The following PCDHGA12 variants were observed in gnomAD, a reference collection of about 807,000 sequenced individuals.
PCDHGA12 encodes the protein protocadherin gamma-A12.
In PCDHGA12, 43 loss-of-function variants were observed where a neutral mutation model predicts 61.1. The observed-to-expected ratio is 0.70, with a 90% CI of 0.55 to 0.91. The LOEUF is 0.91. Among genes scored for constraint, PCDHGA12 ranks in the 40% least tolerant of loss-of-function variants. The pLI, the probability that PCDHGA12 is intolerant of heterozygous loss-of-function variation, is 0.00. For synonymous variants in PCDHGA12, 520 were observed against 542.9 expected (o/e 0.96, Z 0.59); for missense variants, 1,236 against 1,227.7 (o/e 1.01, Z -0.10).
intron 3 of PCDHGA12, among the ~76,000 whole-genome samples, chr5:141,507,817 G>C (rs1038461861): frequency 3.3e-5 from 5 of 152,206 alleles, no homozygotes; most frequent in Non-Finnish European, 5.9e-5. Context: ...AACGGACCCT[G>C]GGGGTGGAGG....
In PCDHGA12 at chr5:141,490,004, CA is replaced by C; in HGVS notation, c.2425-4802del. 1 of 1,614,174 alleles carries C rather than the reference CA, an allele frequency of 6.2e-7. No individual in the cohort carries two copies. Among genetic ancestry groups the C allele is most frequent in the Admixed American group, 1.7e-5 (1 of 60,034 alleles). ...CTACGTGTGGGAATCCCAGAGAATG[CA>C]CCCATTGGTACTCTGCTGCTCCGCC... On this transcript the variant is annotated intron_variant, in intron 1 of 3. Transcript: ENST00000252085. This position sits in a 1 kb window ranked among gnomAD's most constrained non-coding sequence, Gnocchi z 5.4.
intron 1 of PCDHGA12, chr5:141,478,871 T>C: frequency 2.4e-6 from 3 of 1,274,796 alleles, no homozygotes; most frequent in Non-Finnish European, 3.1e-6. Flanking sequence ...GCGATCAGAG[T>C]TTAGCTTGGT....
At position 141,485,122 on chromosome 5, in the gene PCDHGA12, G is replaced by A. The variant is rs1000179570; in HGVS notation, c.2425-9685G>A. The A allele has an allele frequency of 1.4e-6, 2 of 1,387,624 alleles. No individual in the cohort carries two copies. The highest frequency in any genetic ancestry group is 1.4e-5 in the African/African-American group (1 of 70,566). 86.0% of individuals were successfully genotyped at this position (1,387,624 alleles called of 1,614,324 possible). A position where few individuals can be genotyped will look rare whatever the true frequency, so the allele number is the denominator to read the frequency against. Reference sequence around the variant, plus strand: ...CAGCTGCTGTGGCTGTTTGGGGCGGGTCGGCTTCATCCGCGTCTCAGGAGC... The same window carrying A: ...CAGCTGCTGTGGCTGTTTGGGGCGGATCGGCTTCATCCGCGTCTCAGGAGC... On this transcript the variant is annotated intron_variant, in intron 1 of 3. Coordinates refer to ENST00000252085, the MANE Select transcript of PCDHGA12 (RefSeq NM_003735.3). The surrounding 1 kb of genome is among the most constrained non-coding windows in gnomAD (Gnocchi z 5.7).
intron 1 of PCDHGA12, among the ~76,000 whole-genome samples, chr5:141,492,893 C>T (rs936521362): frequency 2.0e-5 from 3 of 152,178 alleles, no homozygotes; most frequent in Admixed American, 6.5e-5. Flanking sequence ...AGGCTTTTGG[C>T]GCCGTCGTGA....
At position 141,489,072 on chromosome 5, in the gene PCDHGA12, A is replaced by AC; in HGVS notation, c.2425-5730dup. The AC allele has an allele frequency of 1.3e-5, 2 of 157,710 alleles. No homozygotes were observed. Among genetic ancestry groups the AC allele is most frequent in the Non-Finnish European group, 1.2e-5 (1 of 83,996 alleles). 9.8% of individuals were successfully genotyped at this position (157,710 alleles called of 1,614,324 possible). A position where few individuals can be genotyped will look rare whatever the true frequency, so the allele number is the denominator to read the frequency against. On this transcript the variant is annotated intron_variant, in intron 1 of 3. Transcript: ENST00000252085. This position sits in a 1 kb window ranked among gnomAD's most constrained non-coding sequence, Gnocchi z 4.5. The stretch of plus-strand genomic sequence containing the variant: ...AATTCAGCTCCCCTCCCCCCTGCCC[A>AC]CCCCCGCCACTCGGTGACTAAGAAC...
At chr5:141,433,208 C>T (rs780155661) in intron 1 of PCDHGA12, 25 bp downstream of exon 1, 90 of 1,293,816 alleles carry the variant, frequency 7.0e-5, no homozygotes, top group Middle Eastern at 5.9e-4. Flanking sequence ...AATCTTCTTT[C>T]TTTTTTTTTT....
Position 141,430,867 on chromosome 5 carries a change from G to T in PCDHGA12, c.108G>T (p.Pro36=), listed in dbSNP as rs1157718106. ...TGCTQIRYSV[P]EELEKGSRVG... is the part of the protein sequence containing the mutation. ...GCACCCAGATACGCTATTCAGTTCC[G>T]GAAGAGCTGGAGAAAGGCTCTAGGG... Residue 36 remains proline (P), a synonymous_variant, in exon 1 of 4, where the codon CCG becomes CCT. Coordinates refer to ENST00000252085, the MANE Select transcript of PCDHGA12 (RefSeq NM_003735.3). 2.5e-6 allele frequency: 4 copies of T among 1,596,238 alleles called. No individual in the cohort carries two copies. In the East Asian group the frequency reaches 8.9e-5, roughly 36 times the overall value.
rs1399077321 is a variant in PCDHGA12, at chr5:141,474,090, AAAC to A, written c.2425-20708_2425-20706del. Among the ~76,000 whole-genome samples the A allele has an allele frequency of 2.6e-5, 4 of 152,206 alleles. No individual in the cohort carries two copies. In the East Asian group the frequency reaches 5.8e-4, roughly 22 times the overall value. On this transcript the variant is annotated intron_variant, in intron 1 of 3. Coordinates refer to ENST00000252085, the MANE Select transcript of PCDHGA12 (RefSeq NM_003735.3). ...GCCTCAGAAACAAAAACCAAAAAAC[AAAC>A]AACAACAAAAACAACAACAACGAAA...
intron 1 of PCDHGA12, among the ~76,000 whole-genome samples, chr5:141,482,988 G>A (rs982148755): frequency 2.6e-5 from 4 of 152,112 alleles, no homozygotes; most frequent in South Asian, 2.1e-4. Context: ...GAGAGGTCGA[G>A]GCAGGAGAAT....
chr5:141,444,920 G>A (rs2098451595), intron 1 of PCDHGA12, among the ~76,000 whole-genome samples: 1 of 152,110 alleles, frequency 6.6e-6, no homozygotes, highest in Non-Finnish European at 1.5e-5. Context: ...ACCTTTATCA[G>A]GGAAAGAGGG....
At chr5:141,501,983 C>T (rs957901405) in intron 2 of PCDHGA12, among the ~76,000 whole-genome samples, 1 of 152,068 alleles carries the variant, frequency 6.6e-6, no homozygotes, top group Non-Finnish European at 1.5e-5. Context: ...CATCTGGTCC[C>T]GTTGTCTCCC....
At chr5:141,495,960 C>G (rs1380397345) in intron 2 of PCDHGA12, among the ~76,000 whole-genome samples, 2 of 151,998 alleles carry the variant, frequency 1.3e-5, no homozygotes, top group East Asian at 3.9e-4. Context: ...CTTTTTCTGC[C>G]TCTTTCTCTG....
Position 141,433,031 on chromosome 5 carries a change from T to G in PCDHGA12, c.2272T>G (p.Ser758Ala), listed in dbSNP as rs2097561851. 2 of 1,614,088 alleles carry G rather than the reference T, an allele frequency of 1.2e-6. No individual in the cohort carries two copies. The highest frequency in any genetic ancestry group is 8.5e-7 in the Non-Finnish European group (1 of 1,180,014). The change falls in exon 1 of 4, where the codon TCC becomes GCC. Residue 758 changes from serine (S) to alanine (A), a missense_variant. Coordinates refer to ENST00000252085, the MANE Select transcript of PCDHGA12 (RefSeq NM_003735.3). ...AFLQTYSHEV[S>A]LTTDSRKSHL... ...CCTGCAGACCTATTCCCACGAGGTT[T>G]CCCTCACCACGGACTCGCGGAAGAG...
chr5:141,511,730 T>C lies in PCDHGA12; in HGVS notation c.*557T>C, dbSNP rs772107999. 5.1e-5 allele frequency: 9 copies of C among 177,790 alleles called. No homozygotes were observed. The highest frequency in any genetic ancestry group is 5.3e-5 in the Admixed American group (1 of 18,706). The allele number at this position is 177,790 out of a possible 1,614,324, so 11.0% of individuals were successfully genotyped here. On this transcript the variant is annotated 3_prime_UTR_variant, in exon 4 of 4. Transcript: ENST00000252085. ...ACCTCCTTCCAGAGCCCAAGATCAA[T>C]GCTCAAGTTTTGGAGGACATGATCA...
At chr5:141,475,840 A>T in intron 1 of PCDHGA12, 1 of 434,888 alleles carries the variant, frequency 2.3e-6, no homozygotes, top group Non-Finnish European at 4.1e-6. Flanking sequence ...TGTCCTGCTC[A>T]GAGAGCCCGG....
intron 1 of PCDHGA12, among the ~76,000 whole-genome samples, chr5:141,484,764 A>G (rs1469048336): frequency 6.6e-6 from 1 of 151,806 alleles, no homozygotes; most frequent in African/African-American, 2.4e-5. Flanking sequence ...ATATATATAT[A>G]TGTTGTCTGC....
intron 1 of PCDHGA12, among the ~76,000 whole-genome samples, chr5:141,494,496 T>A (rs147870810): frequency 2.9e-3 from 442 of 152,264 alleles, no homozygotes; most frequent in Non-Finnish European, 4.9e-3. Flanking sequence ...ATGCCTTCAG[T>A]CCTTGAATTT....
In PCDHGA12 at chr5:141,476,218, C is replaced by G. The variant is rs1562052166; in HGVS notation, c.2425-18589C>G. On this transcript the variant is annotated intron_variant, in intron 1 of 3. Transcript: ENST00000252085. The surrounding 1 kb of genome is among the most constrained non-coding windows in gnomAD (Gnocchi z 7.6). ...TGAACAAGGCTTCCACGGTCATTCA[C>G]TATGAGATCCCGGAGGAAAGAGAGA... is the stretch of plus-strand genomic sequence containing the variant. 1 of 1,613,984 alleles carries G rather than the reference C, an allele frequency of 6.2e-7. No homozygotes were observed.
In PCDHGA12 at chr5:141,476,529, A is replaced by G. The variant is rs752442904; in HGVS notation, c.2425-18278A>G. On this transcript the variant is annotated intron_variant, in intron 1 of 3. Coordinates refer to ENST00000252085, the MANE Select transcript of PCDHGA12 (RefSeq NM_003735.3). The surrounding 1 kb of genome is among the most constrained non-coding windows in gnomAD (Gnocchi z 7.6). ...GACAACAATCCTGCTTTCCCTACCCAGGAAATGAAATTGGAGATTAGCGAG... is the reference window on the plus strand; with the variant it reads ...GACAACAATCCTGCTTTCCCTACCCGGGAAATGAAATTGGAGATTAGCGAG... 2.8e-5 allele frequency: 46 copies of G among 1,614,198 alleles called. No individual in the cohort carries two copies. Among genetic ancestry groups the G allele is most frequent in the Non-Finnish European group, 3.8e-5 (45 of 1,180,044 alleles).
Sources: gnomAD v4.1 joint callset for allele counts (sites outside exome capture counted in the v4.1 genomes callset) on GRCh38, gnomAD v4.1.1 for gene constraint, Gnocchi (gnomAD v3.1) non-coding constraint, MANE v1.5 for transcripts, NCBI Gene and HGNC (gene_info 2026-07-23, HGNC 2026-07-21) for gene names.